ME3: variants seen among roughly 807,000 people sequenced by gnomAD.
ME3 encodes NADP-dependent malic enzyme, mitochondrial.
A neutral mutation model predicts 68.9 loss-of-function variants in ME3; 48 were observed. That is an observed-to-expected ratio of 0.70 (90% confidence interval 0.55 to 0.89). ME3 has a LOEUF of 0.89. Ranked by LOEUF, ME3 falls within the 40% of genes least tolerant of loss-of-function variation. The pLI, the probability that ME3 is intolerant of heterozygous loss-of-function variation, is 0.00. For synonymous variants in ME3, 320 were observed against 318.8 expected (o/e 1.00, Z -0.04); for missense variants, 675 against 797.4 (o/e 0.85, Z 1.85).
intron 2 of ME3, among the ~76,000 whole-genome samples, chr11:86,609,053 A>G (rs949558077): frequency 6.6e-6 from 1 of 152,204 alleles, no homozygotes; most frequent in Non-Finnish European, 1.5e-5. Flanking sequence ...GATAGATTCT[A>G]TAGTTAGCAC....
At chr11:86,631,626 C>T (rs1238104180) in intron 2 of ME3, among the ~76,000 whole-genome samples, 8 of 152,158 alleles carry the variant, frequency 5.3e-5, no homozygotes, top group Admixed American at 5.2e-4. Flanking sequence ...GCATCTGGAA[C>T]CATGGGCATA....
intron 2 of ME3, among the ~76,000 whole-genome samples, chr11:86,568,285 C>G (rs1957596518): frequency 6.6e-6 from 1 of 152,148 alleles, no homozygotes. Flanking sequence ...GGTGTAGTCC[C>G]CACCTGCTCT....
intron 2 of ME3, among the ~76,000 whole-genome samples, chr11:86,589,369 AAGAG>A (rs904912862): frequency 7.9e-5 from 12 of 151,970 alleles, no homozygotes; most frequent in African/African-American, 1.9e-4. Flanking sequence ...GGGAGAAAGA[AAGAG>A]AGAGAATATA....
intron 4 of ME3, among the ~76,000 whole-genome samples, chr11:86,545,256 C>G (rs1956294386): frequency 6.6e-6 from 1 of 152,188 alleles, no homozygotes; most frequent in South Asian, 2.1e-4. Flanking sequence ...TGAAAACTGG[C>G]ACAAGACAAG....
At chr11:86,640,652 C>T (rs548851149) in intron 2 of ME3, among the ~76,000 whole-genome samples, 3 of 152,364 alleles carry the variant, frequency 2.0e-5, no homozygotes, top group Admixed American at 2.0e-4. Flanking sequence ...CATTCTGATC[C>T]TGAGCTATCT....
At chr11:86,662,883 G>A (rs1367758409) in intron 2 of ME3, among the ~76,000 whole-genome samples, 1 of 152,170 alleles carries the variant, frequency 6.6e-6, no homozygotes, top group African/African-American at 2.4e-5. Context: ...TGGAACCCTA[G>A]CTCCACTGTA....
At chr11:86,441,434 C>A in exon 15 of ME3, 1 of 1,585,442 alleles carries the variant, frequency 6.3e-7, no homozygotes, top group South Asian at 1.2e-5. Flanking sequence ...TACGCGTAGT[C>A]GAGAACCTAG....
intron 7 of ME3, among the ~76,000 whole-genome samples, chr11:86,476,028 C>CTTTAAAATTTAAATTTAAAATTTAAA (rs1951066542): frequency 2.6e-5 from 4 of 151,794 alleles, no homozygotes; most frequent in Admixed American, 2.0e-4. Context: ...TTAAAATTAA[C>CTTTAAAATTTAAATTTAAAATTTAAA]ATAAAATCCT....
At chr11:86,571,039 A>G (rs1381417715) in intron 2 of ME3, among the ~76,000 whole-genome samples, 1 of 152,244 alleles carries the variant, frequency 6.6e-6, no homozygotes, top group Non-Finnish European at 1.5e-5. Flanking sequence ...GGTTTTAAAA[A>G]GTTTTTAAAA....
intron 4 of ME3, among the ~76,000 whole-genome samples, chr11:86,516,846 G>A (rs1426940231): frequency 6.6e-6 from 1 of 152,118 alleles, no homozygotes; most frequent in African/African-American, 2.4e-5. Flanking sequence ...AAAGACCACA[G>A]GTTCTCTCTT....
chr11:86,654,525 G>A (rs1316324776), intron 2 of ME3, among the ~76,000 whole-genome samples: 7 of 152,140 alleles, frequency 4.6e-5, no homozygotes, highest in African/African-American at 1.7e-4. Context: ...ATGCAGAAAA[G>A]GCCTTTGACA....
At chr11:86,625,988 A>G (rs988123174) in intron 2 of ME3, among the ~76,000 whole-genome samples, 3 of 152,208 alleles carry the variant, frequency 2.0e-5, no homozygotes, top group Non-Finnish European at 2.9e-5. Context: ...ATAGTGCTAT[A>G]TAAGTATTCA....
At chr11:86,605,391 A>T (rs1594638100) in intron 2 of ME3, among the ~76,000 whole-genome samples, 1 of 152,164 alleles carries the variant, frequency 6.6e-6, no homozygotes, top group East Asian at 1.9e-4. Flanking sequence ...TGACTTAAGA[A>T]CCTGTGACCA....
chr11:86,532,255 A>G (rs1955304077), intron 4 of ME3, among the ~76,000 whole-genome samples: 1 of 152,200 alleles, frequency 6.6e-6, no homozygotes, highest in Non-Finnish European at 1.5e-5. Context: ...GAAGGGTGAG[A>G]TAGACTGCAA....
chr11:86,552,487 G>C (rs997320438), intron 4 of ME3, among the ~76,000 whole-genome samples: 2 of 152,154 alleles, frequency 1.3e-5, no homozygotes, highest in African/African-American at 2.4e-5. Flanking sequence ...TTGGTAACTT[G>C]CCACCCTTGT....
chr11:86,671,978 A>C lies in ME3; in HGVS notation c.-14-20T>G, dbSNP rs765359195. On this transcript the variant is annotated intron_variant, in intron 1 of 14. Transcript: ENST00000543262. ...GCAGACCTGGCACGGGAGAGAAAGC[A>C]AGGTCAGGGCCTCCTTCCAGCCAGC... is the stretch of plus-strand genomic sequence containing the variant. 3 of 1,378,566 alleles carry C rather than the reference A, an allele frequency of 2.2e-6. No homozygotes were observed. The South Asian group carries it at 5.3e-5, about 24-fold the overall frequency. 85.4% of individuals were successfully genotyped at this position (1,378,566 alleles called of 1,614,324 possible).
intron 8 of ME3, chr11:86,457,241 G>A (rs1037400043): frequency 1.9e-5 from 3 of 154,438 alleles, no homozygotes; most frequent in Admixed American, 1.9e-4. Flanking sequence ...GGTCCTATAT[G>A]TCCCACCCTA....
chr11:86,454,992 T>A (rs889348055), intron 8 of ME3, among the ~76,000 whole-genome samples: 3 of 152,220 alleles, frequency 2.0e-5, no homozygotes, highest in Non-Finnish European at 4.4e-5. Flanking sequence ...ACATTCATCA[T>A]TGTGGACATC....
chr11:86,540,608 T>C (rs946390579), intron 4 of ME3, among the ~76,000 whole-genome samples: 8 of 152,148 alleles, frequency 5.3e-5, no homozygotes, highest in African/African-American at 1.9e-4. Context: ...AATCAGTTCA[T>C]AGATAAAGAT....
Sources: gnomAD v4.1 joint callset for allele counts (sites outside exome capture counted in the v4.1 genomes callset) on GRCh38, gnomAD v4.1.1 for gene constraint, MANE v1.5 for transcripts, NCBI Gene and HGNC (gene_info 2026-07-23, HGNC 2026-07-21) for gene names.